TCTN2: variants seen among roughly 807,000 people sequenced by gnomAD.
TCTN2 encodes the protein tectonic family member 2.
A neutral mutation model predicts 83.4 loss-of-function variants in TCTN2; 66 were observed. The ratio of observed to expected loss-of-function variants is 0.79; its 90% confidence interval spans 0.65 to 0.97. The LOEUF (loss-of-function observed/expected upper bound fraction) is 0.97. Ranked by LOEUF, TCTN2 falls within the 50% of genes least tolerant of loss-of-function variation. The pLI is 0.00. For synonymous variants in TCTN2, 301 were observed against 326.7 expected (o/e 0.92, Z 0.85); for missense variants, 794 against 858.1 (o/e 0.93, Z 0.93).
chr12:123,699,666 G>A, intron 13 of TCTN2, 38 bp from the exon 14 acceptor site: 1 of 1,524,854 alleles, frequency 6.6e-7, no homozygotes, highest in Non-Finnish European at 9.1e-7. Flanking sequence ...GACAAGACCT[G>A]CTGGCCATGA....
chr12:123,702,369 C>A lies in TCTN2; in HGVS notation c.1613-2163C>A, dbSNP rs1034457900. ...TAGGCTCAGTAGGCTGGAATTCACA[C>A]AACGGCCCATACAGACACACACCTG... On this transcript the variant is annotated intron_variant, in intron 14 of 17. Transcript: ENST00000303372. 4.6e-5 allele frequency among the ~76,000 whole-genome samples: 7 copies of A among 152,312 alleles called. No homozygotes were observed. In the South Asian group the frequency reaches 1.0e-3, roughly 23 times the overall value.
intron 8 of TCTN2, among the ~76,000 whole-genome samples, chr12:123,691,189 G>A (rs1298205984): frequency 6.6e-6 from 1 of 152,088 alleles, no homozygotes; most frequent in African/African-American, 2.4e-5. Flanking sequence ...CTTTTAAAGT[G>A]TACAATTCAT....
chr12:123,685,565 T>A (rs1396887111), intron 5 of TCTN2, among the ~76,000 whole-genome samples: 1 of 151,792 alleles, frequency 6.6e-6, no homozygotes, highest in Non-Finnish European at 1.5e-5. Flanking sequence ...ATTATAGGTG[T>A]GTGCCACCAC....
chr12:123,700,256 C>T, intron 14 of TCTN2: 1 of 284,854 alleles, frequency 3.5e-6, no homozygotes, highest in South Asian at 2.8e-5. Context: ...AGTGATCTGC[C>T]CACCCCAACC....
intron 14 of TCTN2, among the ~76,000 whole-genome samples, chr12:123,701,757 A>G (rs1193681986): frequency 4.0e-5 from 6 of 151,718 alleles, no homozygotes; most frequent in African/African-American, 1.2e-4. Context: ...AAAAAAAAAA[A>G]GGGTGCAACA....
Position 123,673,826 on chromosome 12 carries a change from G to T in TCTN2, c.463+16G>T. The T allele has an allele frequency of 1.2e-6, 2 of 1,612,912 alleles. No individual in the cohort carries two copies. The highest frequency in any genetic ancestry group is 1.1e-5 in the South Asian group (1 of 91,044). ...AATGCCTCAGGCAAGTGAAGTCTTT[G>T]ACTGTCAAAACTTTCATGTTGTTCC... is the stretch of plus-strand genomic sequence containing the variant. On this transcript the variant is annotated intron_variant, in intron 4 of 17. Transcript: ENST00000303372.
In TCTN2 at chr12:123,698,028, CTA is replaced by C. The variant is rs1206358475; in HGVS notation, c.1505+832_1505+833del. ...TACAGGCATGAGTCACTCTGCTGGCCTATGTTCTGTTTTTGTTTTTGTTTTTG... is the reference window on the plus strand; with the variant it reads ...TACAGGCATGAGTCACTCTGCTGGCCTGTTCTGTTTTTGTTTTTGTTTTTG... On this transcript the variant is annotated intron_variant, in intron 13 of 17. Coordinates refer to ENST00000303372, the MANE Select transcript of TCTN2 (RefSeq NM_024809.5). 3.3e-5 allele frequency among the ~76,000 whole-genome samples: 5 copies of C among 151,884 alleles called. No individual in the cohort carries two copies. The South Asian group carries it at 8.3e-4, about 25-fold the overall frequency.
At chr12:123,680,724 C>T (rs1348156388) in intron 5 of TCTN2, among the ~76,000 whole-genome samples, 1 of 151,032 alleles carries the variant, frequency 6.6e-6, no homozygotes, top group African/African-American at 2.4e-5. Flanking sequence ...ACCATGTTGG[C>T]CAGGCTGGTC....
chr12:123,701,946 G>C (rs1956178125), intron 14 of TCTN2, among the ~76,000 whole-genome samples: 1 of 152,168 alleles, frequency 6.6e-6, no homozygotes, highest in Non-Finnish European at 1.5e-5. Context: ...CATCAGGCCT[G>C]ATTTCACCTC....
At position 123,707,826 on chromosome 12, in the gene TCTN2, C is replaced by T; in HGVS notation, c.*113C>T. ...TCTTGGGTTCAAGCGATTCTCCTGC[C>T]TCAGCCTCCGGAGAACTGGGATTAC... On this transcript the variant is annotated 3_prime_UTR_variant, in exon 18 of 18. Transcript: ENST00000303372. 2 of 817,130 alleles carry T rather than the reference C, an allele frequency of 2.4e-6. No homozygotes were observed. The highest frequency in any genetic ancestry group is 4.2e-6 in the Non-Finnish European group (2 of 477,044). The allele number at this position is 817,130 out of a possible 1,614,324, so 50.6% of individuals were successfully genotyped here.
chr12:123,673,941 T>C (rs901961813), intron 4 of TCTN2, 131 bp downstream of exon 4: 29 of 844,736 alleles, frequency 3.4e-5, no homozygotes, highest in Middle Eastern at 3.5e-4. Context: ...ATGCTACAAA[T>C]GAGCTGTGAT....
At chr12:123,706,520 G>A (rs1318048026) in intron 15 of TCTN2, among the ~76,000 whole-genome samples, 1 of 152,230 alleles carries the variant, frequency 6.6e-6, no homozygotes, top group African/African-American at 2.4e-5. Context: ...CCCATGAGGG[G>A]TTATTAGGAG....
intron 7 of TCTN2, 108 bp from the exon 8 acceptor site, chr12:123,690,425 C>A: frequency 1.3e-6 from 2 of 1,486,410 alleles, no homozygotes; most frequent in East Asian, 4.6e-5. Flanking sequence ...TGAAACCAGA[C>A]CAGCAATGGG....
At chr12:123,671,638 G>A (rs1184117786) in intron 2 of TCTN2, 24 bp downstream of exon 2, 2 of 1,600,142 alleles carry the variant, frequency 1.2e-6, no homozygotes, top group South Asian at 1.1e-5. Flanking sequence ...CTCTTTTGGG[G>A]AGGGTGGGGG....
chr12:123,695,159 A>G (rs994923086), intron 10 of TCTN2, 61 bp from the exon 11 acceptor site: 2 of 1,392,174 alleles, frequency 1.4e-6, no homozygotes, highest in African/African-American at 2.9e-5. Flanking sequence ...AACACTATGG[A>G]GAATAATTTC....
Position 123,696,292 on chromosome 12 carries a change from G to T in TCTN2, c.1313-123G>T. ...CGAAGTTGCCATCTTTCTCTCAAGG[G>T]TATTTTCGAAAGCTTCGCCTATGTG... On this transcript the variant is annotated intron_variant, in intron 11 of 17. Coordinates refer to ENST00000303372, the MANE Select transcript of TCTN2 (RefSeq NM_024809.5). The T allele has an allele frequency of 6.3e-6, 5 of 791,724 alleles. No homozygotes were observed. The East Asian group carries it at 1.0e-4, about 16-fold the overall frequency. 49.0% of individuals were successfully genotyped at this position (791,724 alleles called of 1,614,324 possible). A position where few individuals can be genotyped will look rare whatever the true frequency, so the allele number is the denominator to read the frequency against.
At chr12:123,672,023 T>C in intron 2 of TCTN2, 33 bp from the exon 3 acceptor site, 1 of 1,599,174 alleles carries the variant, frequency 6.3e-7, no homozygotes, top group Non-Finnish European at 8.6e-7. Context: ...TGCTGGACCT[T>C]GCTGCCTTTG....
In TCTN2 at chr12:123,696,086, C is replaced by T. The variant is rs534786643; in HGVS notation, c.1313-329C>T. ...CTCGAACTCCTGACCTCAGGTGATC[C>T]ACCCACCTCGGCCTCCCAAAGTGCT... On this transcript the variant is annotated intron_variant, in intron 11 of 17. Coordinates refer to ENST00000303372, the MANE Select transcript of TCTN2 (RefSeq NM_024809.5). 23 of 336,132 alleles carry T rather than the reference C, an allele frequency of 6.8e-5. No individual in the cohort carries two copies. The Middle Eastern group carries it at 3.0e-3, about 44-fold the overall frequency. The allele number at this position is 336,132 out of a possible 1,614,324, so 20.8% of individuals were successfully genotyped here. A position where few individuals can be genotyped will look rare whatever the true frequency, so the allele number is the denominator to read the frequency against.
Position 123,672,215 on chromosome 12 carries a change from G to A in TCTN2, c.267+83G>A, listed in dbSNP as rs7134863. 13,998 of 1,201,998 alleles carry A rather than the reference G, an allele frequency of 0.012. 1,088 individuals carry two copies. The African/African-American group carries it at 0.18, about 15-fold the overall frequency. The allele number at this position is 1,201,998 out of a possible 1,614,324, so 74.5% of individuals were successfully genotyped here. A position where few individuals can be genotyped will look rare whatever the true frequency, so the allele number is the denominator to read the frequency against. On this transcript the variant is annotated intron_variant, in intron 3 of 17. Transcript: ENST00000303372. Reference sequence around the variant, plus strand: ...CTGCAGTGCTCTCTTTATTTAACAAGGCATGGCTTTCTCCATGCTCTCAAC... The same window carrying A: ...CTGCAGTGCTCTCTTTATTTAACAAAGCATGGCTTTCTCCATGCTCTCAAC...
Sources: allele counts gnomAD v4.1 joint callset (sites outside exome capture counted in the v4.1 genomes callset), GRCh38; gene constraint gnomAD v4.1.1; transcripts MANE v1.5; gene names NCBI Gene and HGNC (gene_info 2026-07-23, HGNC 2026-07-21).